SLC9A4: variants seen among roughly 807,000 people sequenced by gnomAD.
The protein encoded by SLC9A4 is sodium/hydrogen exchanger 4.
In SLC9A4, 63 loss-of-function variants were observed where a neutral mutation model predicts 67.4. The ratio of observed to expected loss-of-function variants is 0.93; its 90% CI spans 0.76 to 1.15. SLC9A4 has a LOEUF of 1.15. Ranked by LOEUF, SLC9A4 falls within the 50% of genes most tolerant of loss-of-function variation. The probability of loss-of-function intolerance (pLI) is 0.00; values close to 1 mark genes in which losing one functional copy is unlikely to be tolerated. For synonymous variants in SLC9A4, 393 were observed against 367.2 expected (o/e 1.07, Z -0.80); for missense variants, 1,089 against 987.7 (o/e 1.10, Z -1.38).
At chr2:102,495,063 A>T (rs1236829065) in intron 2 of SLC9A4, among the ~76,000 whole-genome samples, 2 of 152,108 alleles carry the variant, frequency 1.3e-5, no homozygotes, top group Non-Finnish European at 2.9e-5. Flanking sequence ...TATGCTTAAT[A>T]AAAATGGCCA....
chr2:102,523,964 C>T (rs1004379529), intron 9 of SLC9A4, among the ~76,000 whole-genome samples: 1 of 152,190 alleles, frequency 6.6e-6, no homozygotes, highest in African/African-American at 2.4e-5. Flanking sequence ...TGCCTTTTGC[C>T]TGTACTCTAT....
chr2:102,498,136 A>T (rs1051602604), intron 2 of SLC9A4, among the ~76,000 whole-genome samples: 2 of 152,234 alleles, frequency 1.3e-5, no homozygotes, highest in Non-Finnish European at 2.9e-5. Context: ...TTTTCCCTTC[A>T]GTGTATAAAA....
At chr2:102,519,096 C>A (rs1685339918) in intron 8 of SLC9A4, among the ~76,000 whole-genome samples, 1 of 152,188 alleles carries the variant, frequency 6.6e-6, no homozygotes, top group East Asian at 1.9e-4. Flanking sequence ...ACTTTATAAT[C>A]CCCAGAGGAC....
chr2:102,505,470 C>G lies in SLC9A4; in HGVS notation c.1197C>G (p.Ile399Met), dbSNP rs1199236196. The change falls in exon 4 of 12, where the codon ATC (isoleucine) becomes ATG (methionine). Residue 399 changes from isoleucine to methionine, a missense_variant and splice_region_variant. Coordinates refer to ENST00000295269, the MANE Select transcript of SLC9A4 (RefSeq NM_001011552.4). ...TLAFCQIWRA[I>M]SVFALFYISN... ...CCTTCTGCCAAATCTGGAGAGCCAT[C>G]AGTAAGAGACGGCAGGGCTCCAGAG... 4 of 1,613,534 alleles carry G rather than the reference C, an allele frequency of 2.5e-6. No individual in the cohort carries two copies. Among genetic ancestry groups the G allele is most frequent in the Admixed American group, 1.7e-5 (1 of 60,034 alleles).
At chr2:102,508,054 C>T in intron 4 of SLC9A4, 25 bp from the exon 5 acceptor site, 3 of 1,609,062 alleles carry the variant, frequency 1.9e-6, no homozygotes, top group Non-Finnish European at 2.6e-6. Context: ...ATCCTCTGCT[C>T]TAATACACGT....
chr2:102,514,277 A>G (rs781505839), intron 8 of SLC9A4, 26 bp downstream of exon 8: 16 of 1,555,642 alleles, frequency 1.0e-5, no homozygotes, highest in Non-Finnish European at 1.4e-5. Flanking sequence ...TCTTTGTTCT[A>G]AACTTTCACT....
chr2:102,532,892 C>G lies in SLC9A4; in HGVS notation c.*204C>G, dbSNP rs1001523667. ...TCTGCCATGTACTTATTGTGGGGTA[C>G]CTTTAGATGAATTCCCTGTGAGTGA... On this transcript the variant is annotated 3_prime_UTR_variant, in exon 12 of 12. Transcript: ENST00000295269. 4.0e-6 allele frequency: 2 copies of G among 504,554 alleles called. No homozygotes were observed. Among genetic ancestry groups the G allele is most frequent in the Non-Finnish European group, 3.5e-6 (1 of 286,338 alleles). 31.3% of individuals were successfully genotyped at this position (504,554 alleles called of 1,614,324 possible).
intron 2 of SLC9A4, among the ~76,000 whole-genome samples, chr2:102,492,284 G>C (rs115124483): frequency 0.027 from 4,080 of 152,356 alleles, 83 homozygotes; most frequent in Non-Finnish European, 0.043. Context: ...GAGTCTGTGT[G>C]GGGGCTCCAA....
chr2:102,518,778 A>G (rs1685332029), intron 8 of SLC9A4, among the ~76,000 whole-genome samples: 1 of 152,194 alleles, frequency 6.6e-6, no homozygotes, highest in African/African-American at 2.4e-5. Context: ...GTCTGTGGCC[A>G]ATTATCTTAA....
At chr2:102,476,552 G>A (rs1339522551) in intron 1 of SLC9A4, among the ~76,000 whole-genome samples, 1 of 152,188 alleles carries the variant, frequency 6.6e-6, no homozygotes, top group African/African-American at 2.4e-5. Context: ...CTGGATTCCT[G>A]GAAGCAGGGC....
chr2:102,521,537 AC>A (rs1482209346), intron 9 of SLC9A4, among the ~76,000 whole-genome samples: 1 of 152,024 alleles, frequency 6.6e-6, no homozygotes, highest in Non-Finnish European at 1.5e-5. Context: ...TGCTTTGCTT[AC>A]TCCGTAAGTC....
Position 102,505,354 on chromosome 2 carries a change from G to A in SLC9A4, c.1081G>A (p.Val361Ile), listed in dbSNP as rs561478238. 9 of 1,614,206 alleles carry A rather than the reference G, an allele frequency of 5.6e-6. No homozygotes were observed. The highest frequency in any genetic ancestry group is 5.5e-5 in the South Asian group (5 of 91,080). ...IKYFMKMLSS[V>I]SETLIFIFMG... is the part of the protein sequence containing the mutation. ...GTACTTCATGAAGATGCTGAGCAGC[G>A]TCAGCGAGACCTTGATCTTCATCTT... The change falls in exon 4 of 12, where the codon GTC becomes ATC. Residue 361 changes from valine (V) to isoleucine (I), a missense_variant. By Grantham distance (29) the Val-to-Ile change is conservative (BLOSUM62 3). Transcript: ENST00000295269.
At chr2:102,480,456 CCT>C (rs1221968533) in intron 2 of SLC9A4, among the ~76,000 whole-genome samples, 3 of 151,402 alleles carry the variant, frequency 2.0e-5, no homozygotes, top group Admixed American at 6.6e-5. Context: ...CGTGTCTGGC[CCT>C]CTTTCTATGT....
At chr2:102,522,272 T>C (rs1685442093) in intron 9 of SLC9A4, among the ~76,000 whole-genome samples, 1 of 152,112 alleles carries the variant, frequency 6.6e-6, no homozygotes, top group Non-Finnish European at 1.5e-5. Flanking sequence ...CAGTTTCCTT[T>C]AGCAAATAGT....
At chr2:102,514,599 C>T (rs1279646197) in intron 8 of SLC9A4, among the ~76,000 whole-genome samples, 1 of 152,160 alleles carries the variant, frequency 6.6e-6, no homozygotes, top group Non-Finnish European at 1.5e-5. Flanking sequence ...TTCTGTCCTT[C>T]CTACCATTAT....
chr2:102,474,030 A>C lies in SLC9A4; in HGVS notation c.256+15A>C. 1 of 1,609,658 alleles carries C rather than the reference A, an allele frequency of 6.2e-7. No homozygotes were observed. The highest frequency in any genetic ancestry group is 1.1e-5 in the South Asian group (1 of 90,814). ...TGCAAAAATAGGTAAGTCCTTAAAC[A>C]CCTGGTTTGGTGAGTTATCTTTTTA... On this transcript the variant is annotated intron_variant, in intron 1 of 11. Transcript: ENST00000295269.
chr2:102,518,767 T>C (rs1685331927), intron 8 of SLC9A4, among the ~76,000 whole-genome samples: 1 of 152,184 alleles, frequency 6.6e-6, no homozygotes, highest in Non-Finnish European at 1.5e-5. Flanking sequence ...TAAATACTCA[T>C]GTCTGTGGCC....
intron 2 of SLC9A4, among the ~76,000 whole-genome samples, chr2:102,500,239 C>T (rs2104429757): frequency 6.6e-6 from 1 of 152,252 alleles, no homozygotes; most frequent in Non-Finnish European, 1.5e-5. Context: ...ACTCACAAAC[C>T]TAGGAACGGT....
rs1685100776 is a variant in SLC9A4 at position 102,508,829 on chromosome 2, T to G, written c.1402-18T>G. On this transcript the variant is annotated intron_variant, in intron 5 of 11. Coordinates refer to ENST00000295269, the MANE Select transcript of SLC9A4 (RefSeq NM_001011552.4). Reference sequence around the variant, plus strand: ...CTTCATTACAACAAAACCCTTTGTTTTGTTATTTCTGATCTAGGGAATCAC... The same window carrying G: ...CTTCATTACAACAAAACCCTTTGTTGTGTTATTTCTGATCTAGGGAATCAC... 1.3e-6 allele frequency: 2 copies of G among 1,596,694 alleles called. No homozygotes were observed. Among genetic ancestry groups the G allele is most frequent in the Non-Finnish European group, 1.7e-6 (2 of 1,172,836 alleles).
Sources: gnomAD v4.1 joint callset for allele counts (sites outside exome capture counted in the v4.1 genomes callset) on GRCh38, gnomAD v4.1.1 for gene constraint, MANE v1.5 for transcripts, NCBI Gene and HGNC (gene_info 2026-07-23, HGNC 2026-07-21) for gene names.